The following SLC6A16 variants were observed in gnomAD, a reference collection of about 807,000 sequenced individuals.
SLC6A16 encodes the protein orphan sodium- and chloride-dependent neurotransmitter transporter NTT5.
Under a neutral mutation model 65.4 loss-of-function variants are expected in SLC6A16, and 54 were observed. The observed-to-expected ratio is 0.83, with a 90% confidence interval of 0.66 to 1.04. The LOEUF (loss-of-function observed/expected upper bound fraction) is 1.04, where lower values mean the gene tolerates loss of function less well. Ranked by LOEUF, SLC6A16 falls within the 50% of genes least tolerant of loss-of-function variation. The pLI, the probability that SLC6A16 is intolerant of heterozygous loss-of-function variation, is 0.00. For synonymous variants in SLC6A16, 330 were observed against 346.5 expected (o/e 0.95, Z 0.53); for missense variants, 816 against 914.0 (o/e 0.89, Z 1.38).
the SLC6A16 span, chr19:49,335,174 C>A: frequency 7.9e-6 from 2 of 254,052 alleles, no homozygotes; most frequent in Non-Finnish European, 7.7e-6. The surrounding 1 kb of genome is among the most constrained non-coding windows in gnomAD (Gnocchi z 4.6). Flanking sequence ...GGTCCCCATG[C>A]CCAGAGGTGG....
the SLC6A16 span, among the ~76,000 whole-genome samples, chr19:49,330,857 G>A: frequency 5.3e-5 from 8 of 151,736 alleles, no homozygotes; most frequent in African/African-American, 1.5e-4. Flanking sequence ...CGGGAGAATC[G>A]CTTGAACCCG....
chr19:49,322,370 G>A (rs913837042), intron 1 of SLC6A16, among the ~76,000 whole-genome samples: 16 of 152,072 alleles, frequency 1.1e-4, no homozygotes, highest in African/African-American at 3.9e-4. Context: ...GCTGGGCACG[G>A]TGGCTCAAGC....
chr19:49,340,025 T>A, the SLC6A16 span: 199 of 1,480,394 alleles, frequency 1.3e-4, 5 homozygotes, highest in South Asian at 2.6e-3. Context: ...GCTTCCGACC[T>A]TACTCCTTCT....
chr19:49,303,972 C>A (rs1970335472), intron 7 of SLC6A16, among the ~76,000 whole-genome samples: 1 of 152,052 alleles, frequency 6.6e-6, no homozygotes, highest in African/African-American at 2.4e-5. Flanking sequence ...TAAGAGATAC[C>A]CCCTTCAAAT....
chr19:49,337,033 G>C, the SLC6A16 span: 1 of 1,613,296 alleles, frequency 6.2e-7, no homozygotes, highest in African/African-American at 1.3e-5. Context: ...TCCTGGGCCT[G>C]GTGAGTGCAC....
chr19:49,339,497 G>C, the SLC6A16 span: 16 of 1,532,902 alleles, frequency 1.0e-5, no homozygotes, highest in Non-Finnish European at 1.4e-5. This position sits in a 1 kb window ranked among gnomAD's most constrained non-coding sequence, Gnocchi z 4.5. Flanking sequence ...CGGTTGCCTG[G>C]GAAGGACGAG....
chr19:49,300,304 C>T (rs930065469), intron 7 of SLC6A16, among the ~76,000 whole-genome samples: 2 of 152,090 alleles, frequency 1.3e-5, no homozygotes. Flanking sequence ...CACCACTGCT[C>T]TCCAGCCTGG....
At position 49,292,762 on chromosome 19, in the gene SLC6A16, C is replaced by T. The variant is rs2146065431; in HGVS notation, c.1778+461G>A. The stretch of plus-strand genomic sequence containing the variant: ...CTTTACTCAAAATCTTGTCATGACT[C>T]CCTCCCTCCTATCATTCAGGAGTCT... On this transcript the variant is annotated intron_variant, in intron 10 of 11. Transcript: ENST00000335875. This position sits in a 1 kb window ranked among gnomAD's most constrained non-coding sequence, Gnocchi z 4.3. Among the ~76,000 whole-genome samples, 1 of 152,264 alleles carries T rather than the reference C, an allele frequency of 6.6e-6. No homozygotes were observed. Among genetic ancestry groups the T allele is most frequent in the African/African-American group, 2.4e-5 (1 of 41,560 alleles).
At position 49,311,324 on chromosome 19, in the gene SLC6A16, C is replaced by T; in HGVS notation, c.24G>A (p.Ser8=). ...ATGAGGTGTTTGCCAGCAAGGATGT[C>T]GAAGGCTGGGCCTCTGTCTTCATCT... The part of the protein sequence containing the change: MKTEAQP[S]TSLLANTSWT... Residue 8 remains serine, a synonymous_variant, in exon 2 of 12, where the codon TCG becomes TCA. Coordinates refer to ENST00000335875, the MANE Select transcript of SLC6A16 (RefSeq NM_014037.3). The T allele has an allele frequency of 3.8e-6, 6 of 1,592,742 alleles. No homozygotes were observed. The highest frequency in any genetic ancestry group is 1.7e-4 in the Middle Eastern group (1 of 5,924).
At chr19:49,337,737 G>A in the SLC6A16 span, 6 of 1,536,264 alleles carry the variant, frequency 3.9e-6, no homozygotes, top group Non-Finnish European at 4.4e-6. Flanking sequence ...AGAAGAGACA[G>A]AGACTTATGA....
intron 1 of SLC6A16, among the ~76,000 whole-genome samples, chr19:49,315,797 CA>C (rs11424439): frequency 6.7e-6 from 1 of 149,610 alleles, no homozygotes. Flanking sequence ...TGGTGTCTCT[CA>C]AAAAAAAAAG....
At chr19:49,299,286 G>A (rs1020081977) in intron 7 of SLC6A16, among the ~76,000 whole-genome samples, 13 of 151,798 alleles carry the variant, frequency 8.6e-5, no homozygotes, top group African/African-American at 3.1e-4. Context: ...CCAGAAGCGG[G>A]CTCATGCCTG....
At chr19:49,316,402 T>C (rs552603485) in intron 1 of SLC6A16, among the ~76,000 whole-genome samples, 1 of 151,794 alleles carries the variant, frequency 6.6e-6, no homozygotes, top group Non-Finnish European at 1.5e-5. Flanking sequence ...AGCATCTGTG[T>C]GGGAGGAAAC....
chr19:49,333,834 G>C, the SLC6A16 span, among the ~76,000 whole-genome samples: 29 of 152,334 alleles, frequency 1.9e-4, 1 homozygote, highest in Admixed American at 9.8e-4. Context: ...CCAGGTGAGA[G>C]AATTTGGGGA....
chr19:49,339,785 A>C, the SLC6A16 span: 64,139 of 1,357,150 alleles, frequency 0.047, 1,763 homozygotes, highest in South Asian at 0.083. The surrounding 1 kb of genome is among the most constrained non-coding windows in gnomAD (Gnocchi z 4.5). Context: ...GGCGGCGGGC[A>C]CAGCGGCAGT....
the SLC6A16 span, chr19:49,335,425 TTC>T: frequency 2.5e-6 from 2 of 798,630 alleles, no homozygotes; most frequent in Admixed American, 4.3e-5. This position sits in a 1 kb window ranked among gnomAD's most constrained non-coding sequence, Gnocchi z 4.6. Context: ...GGTTCTTCCT[TTC>T]TCTCTCAGCT....
chr19:49,293,431 G>A, intron 9 of SLC6A16, 49 bp from the exon 10 acceptor site: 4 of 1,590,572 alleles, frequency 2.5e-6, no homozygotes, highest in Non-Finnish European at 3.4e-6. Context: ...ACGGCTGGGT[G>A]ACAAGGGCTA....
chr19:49,324,881 C>G (rs1046480524), intron 1 of SLC6A16, among the ~76,000 whole-genome samples, 167 bp downstream of exon 1: 2 of 152,150 alleles, frequency 1.3e-5, no homozygotes, highest in Non-Finnish European at 2.9e-5. Flanking sequence ...AGGAGGGACC[C>G]CTTTGATCCC....
intron 1 of SLC6A16, among the ~76,000 whole-genome samples, chr19:49,313,072 C>CAAAAAAAAAAAAAAAAAAAAAAAAAAAAA (rs5828385): frequency 6.3e-5 from 6 of 95,814 alleles, no homozygotes; most frequent in African/African-American, 3.2e-4. Context: ...AACCCTGTCT[C>CAAAAAAAAAAAAAAAAAAAAAAAAAAAAA]AAAAAAAAAA....
Sources: gnomAD v4.1 joint callset for allele counts (sites outside exome capture counted in the v4.1 genomes callset) on GRCh38, gnomAD v4.1.1 for gene constraint, Gnocchi (gnomAD v3.1) non-coding constraint, MANE v1.5 for transcripts, NCBI Gene and HGNC (gene_info 2026-07-23, HGNC 2026-07-21) for gene names.